BAZ2B: variants seen among roughly 807,000 people sequenced by gnomAD.
BAZ2B encodes bromodomain adjacent to zinc finger domain protein 2B.
A neutral mutation model predicts 246.0 loss-of-function variants in BAZ2B; 91 were observed. The ratio of observed to expected loss-of-function variants is 0.37; its 90% CI spans 0.31 to 0.44. BAZ2B has a LOEUF of 0.44. BAZ2B is among the 20% of genes least tolerant of loss of function. BAZ2B has a pLI of 1.00. For missense variants in BAZ2B, 2,332 were observed against 2,533.7 expected, an observed-to-expected ratio of 0.92 and a Z score of 1.71; for synonymous variants, 855 against 860.0, an observed-to-expected ratio of 0.99 and a Z score of 0.10.
At chr2:159,592,168 C>T (rs1005668820) in intron 1 of BAZ2B, among the ~76,000 whole-genome samples, 1 of 152,104 alleles carries the variant, frequency 6.6e-6, no homozygotes, top group Non-Finnish European at 1.5e-5. Context: ...ATAAACCCAT[C>T]TGTTAATATG....
chr2:159,325,113 T>TG (rs2063459667), intron 35 of BAZ2B, among the ~76,000 whole-genome samples, 159 bp from the exon 36 acceptor site: 1 of 2,486 alleles, frequency 4.0e-4, no homozygotes, highest in South Asian at 0.016. Flanking sequence ...TATATATATA[T>TG]ATTTTATATA....
intron 3 of BAZ2B, chr2:159,460,297 C>T (rs991608736): frequency 6.1e-4 from 93 of 152,190 alleles, no homozygotes; most frequent in African/African-American, 2.2e-3. Flanking sequence ...AATGCCTTGA[C>T]TCTAAACTAC....
the BAZ2B span, among the ~76,000 whole-genome samples, chr2:159,661,044 T>C: frequency 2.0e-3 from 305 of 152,318 alleles, 1 homozygote; most frequent in African/African-American, 7.2e-3. Flanking sequence ...AATATATCCA[T>C]CACTCCAAAA....
chr2:159,363,683 G>C (rs1012039737), intron 27 of BAZ2B, among the ~76,000 whole-genome samples: 2 of 152,186 alleles, frequency 1.3e-5, no homozygotes, highest in Non-Finnish European at 2.9e-5. Flanking sequence ...TAAACAGAAG[G>C]AATGATAAGA....
chr2:159,470,751 A>G (rs1480405817), intron 3 of BAZ2B, among the ~76,000 whole-genome samples: 1 of 152,224 alleles, frequency 6.6e-6, no homozygotes, highest in African/African-American at 2.4e-5. Context: ...GGCTTAAGCT[A>G]CTGGATGATT....
intron 2 of BAZ2B, among the ~76,000 whole-genome samples, chr2:159,518,013 T>C (rs2151232787): frequency 6.6e-6 from 1 of 152,354 alleles, no homozygotes; most frequent in Non-Finnish European, 1.5e-5. Flanking sequence ...TTATTTCCTT[T>C]ATAGAAAATT....
downstream of BAZ2B, among the ~76,000 whole-genome samples, chr2:159,316,689 C>CAAAAAAAAAAAAAAA (rs765748671): frequency 3.3e-4 from 12 of 36,262 alleles, no homozygotes; most frequent in South Asian, 1.5e-3. Flanking sequence ...GACTCCATCT[C>CAAAAAAAAAAAAAAA]AAAAAAAAAA....
At chr2:159,383,728 C>T in intron 23 of BAZ2B, 48 bp from the exon 24 acceptor site, 2 of 1,480,820 alleles carry the variant, frequency 1.4e-6, no homozygotes, top group Non-Finnish European at 1.9e-6. Context: ...TCAATTTATG[C>T]AATGCATTAA....
chr2:159,360,482 T>C (rs1559104434), intron 27 of BAZ2B, among the ~76,000 whole-genome samples: 2 of 152,334 alleles, frequency 1.3e-5, no homozygotes, highest in East Asian at 3.9e-4. Context: ...AAACATTCCA[T>C]GCTCATGGAT....
the BAZ2B span, among the ~76,000 whole-genome samples, chr2:159,667,239 A>G: frequency 6.6e-6 from 1 of 151,530 alleles, no homozygotes; most frequent in Admixed American, 6.6e-5. Context: ...TTTTTCTTCA[A>G]TATAAGATAG....
chr2:159,627,892 G>A, the BAZ2B span, among the ~76,000 whole-genome samples: 1 of 152,210 alleles, frequency 6.6e-6, no homozygotes, highest in African/African-American at 2.4e-5. Flanking sequence ...AATGTTTGCA[G>A]ATGACATGAT....
chr2:159,539,162 C>T (rs1388482730), intron 2 of BAZ2B, among the ~76,000 whole-genome samples: 1 of 152,212 alleles, frequency 6.6e-6, no homozygotes, highest in Non-Finnish European at 1.5e-5. Context: ...TACACCTCTA[C>T]TGTGCCATCT....
the BAZ2B span, among the ~76,000 whole-genome samples, chr2:159,695,797 C>T: frequency 6.6e-6 from 1 of 151,980 alleles, no homozygotes; most frequent in Non-Finnish European, 1.5e-5. Context: ...CTCTGTCGCC[C>T]AGGCTGGAGT....
At chr2:159,641,909 T>C in the BAZ2B span, among the ~76,000 whole-genome samples, 1 of 152,318 alleles carries the variant, frequency 6.6e-6, no homozygotes, top group East Asian at 1.9e-4. Flanking sequence ...AGTATCACAA[T>C]GTTTGCACAT....
At chr2:159,689,151 T>C in the BAZ2B span, 17 of 390,958 alleles carry the variant, frequency 4.3e-5, no homozygotes, top group Admixed American at 6.9e-4. Flanking sequence ...TCTAGCTCCA[T>C]AAAAGCGCAC....
the BAZ2B span, among the ~76,000 whole-genome samples, chr2:159,687,821 T>G: frequency 6.6e-6 from 1 of 152,174 alleles, no homozygotes; most frequent in African/African-American, 2.4e-5. Context: ...GGCAGTCTTG[T>G]GGGACTAAGC....
chr2:159,673,882 A>C, the BAZ2B span, among the ~76,000 whole-genome samples: 3 of 152,208 alleles, frequency 2.0e-5, no homozygotes, highest in African/African-American at 7.2e-5. Flanking sequence ...AATCCTGTAG[A>C]GGAATGATAA....
At chr2:159,693,512 C>T in the BAZ2B span, 1 of 151,658 alleles carries the variant, frequency 6.6e-6, no homozygotes. Context: ...CAGTCTCCAC[C>T]TCCAAGGCTC....
chr2:159,481,179 A>T (rs2079184198), intron 2 of BAZ2B, among the ~76,000 whole-genome samples: 1 of 152,052 alleles, frequency 6.6e-6, no homozygotes, highest in Non-Finnish European at 1.5e-5. Context: ...TTTTTAAGTT[A>T]AATATTATTC....
Sources: allele counts gnomAD v4.1 joint callset (sites outside exome capture counted in the v4.1 genomes callset), GRCh38; gene constraint gnomAD v4.1.1; transcripts MANE v1.5; gene names NCBI Gene and HGNC (gene_info 2026-07-23, HGNC 2026-07-21).